Variants in UNC5C observed in about 807,000 individuals in gnomAD.
UNC5C encodes unc-5 netrin receptor C, also known as netrin receptor UNC5C.
Under a neutral mutation model 99.8 loss-of-function variants are expected in UNC5C, and 47 were observed. The observed-to-expected ratio is 0.47, with a 90% CI of 0.37 to 0.60. The LOEUF (loss-of-function observed/expected upper bound fraction) is 0.60. UNC5C is among the 20% of genes least tolerant of loss of function. The pLI, the probability that UNC5C is intolerant of heterozygous loss-of-function variation, is 0.00. For synonymous variants in UNC5C, 487 were observed against 452.2 expected, an observed-to-expected ratio of 1.08 and a Z score of -0.98; for missense variants, 1,062 against 1,165.9, an observed-to-expected ratio of 0.91 and a Z score of 1.30.
chr4:95,289,356 C>A (rs998331999), intron 3 of UNC5C, among the ~76,000 whole-genome samples: 1 of 152,138 alleles, frequency 6.6e-6, no homozygotes, highest in Non-Finnish European at 1.5e-5. Flanking sequence ...GACAAAAAGG[C>A]CCTCGATCTG....
chr4:95,529,513 A>T (rs1488272173), intron 1 of UNC5C, among the ~76,000 whole-genome samples: 4 of 151,756 alleles, frequency 2.6e-5, no homozygotes, highest in Non-Finnish European at 5.9e-5. Context: ...ACTGCTTGAG[A>T]CCAGGAGCTC....
At chr4:95,393,729 C>T (rs987524698) in intron 1 of UNC5C, among the ~76,000 whole-genome samples, 15 of 152,058 alleles carry the variant, frequency 9.9e-5, no homozygotes, top group Non-Finnish European at 1.5e-4. Context: ...TTCCCGTGAT[C>T]GCTTATTCAT....
At chr4:95,403,858 G>A (rs1391260734) in intron 1 of UNC5C, among the ~76,000 whole-genome samples, 4 of 152,154 alleles carry the variant, frequency 2.6e-5, no homozygotes, top group Middle Eastern at 3.2e-3. Flanking sequence ...GGGTATTTCC[G>A]AAGAGGCCAG....
At position 95,202,939 on chromosome 4, in the gene UNC5C, T is replaced by C. The variant is rs1195412727; in HGVS notation, c.1928A>G (p.Asn643Ser). 1 of 1,613,866 alleles carries C rather than the reference T, an allele frequency of 6.2e-7. No individual in the cohort carries two copies. The highest frequency in any genetic ancestry group is 8.5e-7 in the Non-Finnish European group (1 of 1,179,988). ...CTGAATGTAGCAGGGGGTGGTGAAG[T>C]TTTCCTCCCCGACCACCACCACATC... ...WEDVVVVGEENFTTPCYIQLD... is the reference protein window; with the variant it reads ...WEDVVVVGEESFTTPCYIQLD... The change falls in exon 12 of 16, where the codon AAC becomes AGC. Residue 643 changes from asparagine (N) to serine (S), a missense_variant. Physicochemically the swap from Asn to Ser is conservative, Grantham distance 46. This residue lies in a region of UNC5C where 810 missense variants were observed against 854.5 expected (regional missense o/e 0.95). Coordinates refer to ENST00000453304, the MANE Select transcript of UNC5C (RefSeq NM_003728.4).
intron 1 of UNC5C, among the ~76,000 whole-genome samples, chr4:95,532,153 T>C (rs556801132): frequency 1.3e-5 from 2 of 152,298 alleles, no homozygotes; most frequent in East Asian, 3.9e-4. Context: ...TCCAAGTTCT[T>C]CATTAGTTAA....
At chr4:95,441,762 T>C (rs1454877940) in intron 1 of UNC5C, among the ~76,000 whole-genome samples, 1 of 152,222 alleles carries the variant, frequency 6.6e-6, no homozygotes, top group Non-Finnish European at 1.5e-5. Context: ...ATGAATTAAG[T>C]GAGGCACAGT....
At chr4:95,537,464 A>G (rs1241721398) in intron 1 of UNC5C, among the ~76,000 whole-genome samples, 1 of 152,182 alleles carries the variant, frequency 6.6e-6, no homozygotes, top group Non-Finnish European at 1.5e-5. Context: ...CACACATTAG[A>G]TTACTAAGCA....
intron 1 of UNC5C, among the ~76,000 whole-genome samples, chr4:95,373,094 A>G (rs2149439380): frequency 6.6e-6 from 1 of 152,210 alleles, no homozygotes; most frequent in Non-Finnish European, 1.5e-5. Context: ...CCATCATCTC[A>G]CTATCTCTTG....
chr4:95,265,939 AGT>A (rs1447152896), intron 4 of UNC5C, among the ~76,000 whole-genome samples: 3 of 152,306 alleles, frequency 2.0e-5, no homozygotes, highest in East Asian at 3.9e-4. Flanking sequence ...ACAGTCAATA[AGT>A]GTAATTTAAT....
intron 10 of UNC5C, among the ~76,000 whole-genome samples, chr4:95,210,303 CAAAG>C (rs1352300000): frequency 2.0e-5 from 3 of 152,208 alleles, no homozygotes; most frequent in Admixed American, 1.3e-4. Flanking sequence ...GAATGAAAAA[CAAAG>C]AAGAAATAAT....
At chr4:95,433,468 G>A (rs564102386) in intron 1 of UNC5C, among the ~76,000 whole-genome samples, 1 of 151,992 alleles carries the variant, frequency 6.6e-6, no homozygotes, top group South Asian at 2.1e-4. Flanking sequence ...CAGCAAAGTT[G>A]AAGAAATTTT....
At chr4:95,401,007 C>T (rs780684150) in intron 1 of UNC5C, among the ~76,000 whole-genome samples, 1 of 152,126 alleles carries the variant, frequency 6.6e-6, no homozygotes, top group Non-Finnish European at 1.5e-5. Context: ...TTCTCATTTT[C>T]TTTTATTTTA....
At chr4:95,301,582 G>A (rs1482816330) in intron 3 of UNC5C, 24 bp downstream of exon 3, 2 of 1,613,468 alleles carry the variant, frequency 1.2e-6, no homozygotes, top group Non-Finnish European at 1.7e-6. Flanking sequence ...TGAGACCCAA[G>A]GTGCTTATTG....
chr4:95,342,978 T>A (rs1413923701), intron 1 of UNC5C, among the ~76,000 whole-genome samples: 1 of 151,704 alleles, frequency 6.6e-6, no homozygotes, highest in Non-Finnish European at 1.5e-5. Context: ...TCTTGTGGCA[T>A]GGGTGCCAGT....
intron 1 of UNC5C, among the ~76,000 whole-genome samples, chr4:95,439,234 T>A (rs1318215949): frequency 1.3e-5 from 2 of 152,082 alleles, no homozygotes; most frequent in African/African-American, 4.8e-5. Context: ...AGATAAATAA[T>A]AAAACATCTC....
chr4:95,209,262 T>A (rs1189692036), intron 10 of UNC5C, among the ~76,000 whole-genome samples: 1 of 152,214 alleles, frequency 6.6e-6, no homozygotes, highest in Non-Finnish European at 1.5e-5. Context: ...TTGTCTTTGA[T>A]CCACAAGACT....
chr4:95,323,262 G>A (rs530210642), intron 2 of UNC5C, among the ~76,000 whole-genome samples: 14 of 152,244 alleles, frequency 9.2e-5, no homozygotes, highest in South Asian at 8.3e-4. Context: ...GCAGGAGCAG[G>A]AACAGTAAAA....
chr4:95,435,497 T>C (rs1397304524), intron 1 of UNC5C, among the ~76,000 whole-genome samples: 1 of 152,130 alleles, frequency 6.6e-6, no homozygotes, highest in Non-Finnish European at 1.5e-5. Context: ...ATTTCCCATC[T>C]AATTATGCAT....
chr4:95,189,225 A>G (rs1736966518), intron 12 of UNC5C, among the ~76,000 whole-genome samples: 2 of 152,240 alleles, frequency 1.3e-5, no homozygotes, highest in Admixed American at 6.5e-5. Context: ...TGTTGCTTTG[A>G]TGAGCTTGTT....
Sources: gnomAD v4.1 joint callset for allele counts (sites outside exome capture counted in the v4.1 genomes callset) on GRCh38, gnomAD v4.1.1 for gene constraint, gnomAD v4.1.1 regional missense constraint, MANE v1.5 for transcripts, NCBI Gene and HGNC (gene_info 2026-07-23, HGNC 2026-07-21) for gene names.